ZC3H12B: variants seen among roughly 807,000 people sequenced by gnomAD.
The protein encoded by ZC3H12B is zinc finger CCCH-type containing 12B.
Under a neutral mutation model 43.9 loss-of-function variants are expected in ZC3H12B, and 7 were observed. The ratio of observed to expected loss-of-function variants is 0.16; its 90% CI spans 0.09 to 0.30. ZC3H12B has a LOEUF of 0.30. Ranked by LOEUF, ZC3H12B falls within the 10% of genes least tolerant of loss-of-function variation. The pLI is 1.00. For synonymous variants in ZC3H12B, 222 were observed against 241.7 expected, an observed-to-expected ratio of 0.92 and a Z score of 0.76; for missense variants, 475 against 670.2, an observed-to-expected ratio of 0.71 and a Z score of 3.22.
At chrX:65,036,158 G>A in the ZC3H12B span, among the ~76,000 whole-genome samples, 1 of 111,678 alleles carries the variant, frequency 9.0e-6, no homozygotes, top group African/African-American at 3.3e-5. Flanking sequence ...GTTGTGAGGT[G>A]CTTTTTTGAA....
chrX:65,269,348 AC>A, the ZC3H12B span, among the ~76,000 whole-genome samples: 4 of 108,861 alleles, frequency 3.7e-5, no homozygotes, highest in African/African-American at 1.4e-4. Flanking sequence ...TGTCTCAAAA[AC>A]AAAAACAAAA....
chrX:65,249,796 ATTTTTTTTTTTTT>A, the ZC3H12B span, among the ~76,000 whole-genome samples: 1 of 48,929 alleles, frequency 2.0e-5, no homozygotes, highest in Admixed American at 2.5e-4. Flanking sequence ...ATTCCTAAGT[ATTTTTTTTTTTTT>A]TTTTTTTTTT....
At chrX:65,205,978 A>G in the ZC3H12B span, among the ~76,000 whole-genome samples, 1 of 111,985 alleles carries the variant, frequency 8.9e-6, no homozygotes, top group South Asian at 3.7e-4. Flanking sequence ...AGACCTTTAC[A>G]AGGAAAACTA....
intron 3 of ZC3H12B, among the ~76,000 whole-genome samples, chrX:65,478,779 G>A (rs950128114): frequency 6.2e-5 from 7 of 112,010 alleles, no homozygotes; most frequent in Non-Finnish European, 1.9e-5. Flanking sequence ...CAAAGGTGAG[G>A]GATAAGGGAC....
chrX:65,447,623 AAAAG>A (rs748301452), intron 3 of ZC3H12B, among the ~76,000 whole-genome samples: 95 of 112,443 alleles, frequency 8.4e-4, no homozygotes, highest in Non-Finnish European at 1.3e-3. Flanking sequence ...TCTTCACAGC[AAAAG>A]AAAGAATCAT....
the ZC3H12B span, among the ~76,000 whole-genome samples, chrX:65,052,883 T>G: frequency 8.9e-6 from 1 of 112,210 alleles, no homozygotes; most frequent in East Asian, 2.8e-4. Context: ...GTTGTCAATT[T>G]ACTTTTTTAC....
At chrX:65,145,377 T>C in the ZC3H12B span, among the ~76,000 whole-genome samples, 2 of 110,797 alleles carry the variant, frequency 1.8e-5, no homozygotes, top group African/African-American at 3.3e-5. Context: ...GTTAGATGAG[T>C]CTCTTGAAGG....
intron 2 of ZC3H12B, among the ~76,000 whole-genome samples, chrX:65,395,031 T>A (rs901874667): frequency 8.9e-6 from 1 of 111,762 alleles, no homozygotes; most frequent in Non-Finnish European, 1.9e-5. Flanking sequence ...TGTATAGGAA[T>A]GCTTGTGATT....
the ZC3H12B span, among the ~76,000 whole-genome samples, chrX:65,205,781 T>C: frequency 1.6e-4 from 18 of 111,250 alleles, no homozygotes; most frequent in Non-Finnish European, 3.8e-5. Context: ...TAAAGACTCA[T>C]CCAAAAAGCT....
the ZC3H12B span, among the ~76,000 whole-genome samples, chrX:65,257,167 A>G: frequency 1.1e-4 from 12 of 112,226 alleles, no homozygotes; most frequent in African/African-American, 3.9e-4. Flanking sequence ...TGTTTATTGC[A>G]GCACTATTCA....
chrX:65,148,225 C>T, the ZC3H12B span, among the ~76,000 whole-genome samples: 2 of 110,397 alleles, frequency 1.8e-5, no homozygotes, highest in Non-Finnish European at 3.8e-5. Context: ...GAGGCTATGT[C>T]GGCTGACCTG....
rs150450745 is a variant in ZC3H12B at position 65,454,075 on chromosome X, C to G, written n.408-34571C>G. ...CACCCAGCGTGAGTGACGCAGAAGA[C>G]AAATGATTTCTGCATTTCCAAATGA... On this transcript the variant is annotated intron_variant and non_coding_transcript_variant, in intron 3 of 5. Transcript: ENST00000617377. Among the ~76,000 whole-genome samples, 169 of 112,414 alleles carry G rather than the reference C, an allele frequency of 1.5e-3. 2 individuals carry two copies. The highest frequency in any genetic ancestry group is 5.3e-3 in the African/African-American group (165 of 30,997).
the ZC3H12B span, among the ~76,000 whole-genome samples, chrX:65,064,695 C>T: frequency 1.8e-5 from 2 of 111,538 alleles, no homozygotes; most frequent in Non-Finnish European, 3.8e-5. Flanking sequence ...CCGAAATCTC[C>T]TTGTTAATTT....
At chrX:65,411,836 T>C (rs1044069674) in intron 3 of ZC3H12B, among the ~76,000 whole-genome samples, 2 of 109,884 alleles carry the variant, frequency 1.8e-5, no homozygotes, top group African/African-American at 6.6e-5. Flanking sequence ...ATAATGTGAT[T>C]ATTTCACATT....
the ZC3H12B span, among the ~76,000 whole-genome samples, chrX:65,303,489 A>G: frequency 8.9e-6 from 1 of 112,535 alleles, no homozygotes; most frequent in Admixed American, 9.4e-5. Flanking sequence ...GACAAAATCC[A>G]TCATCCATTT....
the ZC3H12B span, among the ~76,000 whole-genome samples, chrX:65,333,533 T>C: frequency 8.9e-6 from 1 of 112,112 alleles, no homozygotes; most frequent in African/African-American, 3.2e-5. Context: ...GGATCAGCAA[T>C]GTTTTAAGCA....
intron 2 of ZC3H12B, among the ~76,000 whole-genome samples, chrX:65,375,135 C>A (rs1302619101): frequency 4.5e-5 from 5 of 111,468 alleles, no homozygotes; most frequent in Non-Finnish European, 9.4e-5. Flanking sequence ...GAGGGTACAG[C>A]GGTTGTGAAA....
chrX:65,402,914 G>A (rs1273928688), intron 3 of ZC3H12B, among the ~76,000 whole-genome samples: 2 of 112,002 alleles, frequency 1.8e-5, no homozygotes, highest in Admixed American at 1.9e-4. Context: ...TCAATGTCCA[G>A]ACACCAAAGA....
chrX:65,379,144 C>T (rs1269152498), intron 2 of ZC3H12B, among the ~76,000 whole-genome samples: 1 of 112,209 alleles, frequency 8.9e-6, no homozygotes, highest in South Asian at 3.7e-4. Context: ...TAGGCTCCAC[C>T]TCTGGGGGAG....
Sources: gnomAD v4.1 joint callset for allele counts (sites outside exome capture counted in the v4.1 genomes callset) on GRCh38, gnomAD v4.1.1 for gene constraint, MANE v1.5 for transcripts, NCBI Gene and HGNC (gene_info 2026-07-23, HGNC 2026-07-21) for gene names.